RPL14: variants seen among roughly 807,000 people sequenced by gnomAD.
The protein encoded by RPL14 is ribosomal protein L14.
A neutral mutation model predicts 25.3 loss-of-function variants in RPL14; 4 were observed. The ratio of observed to expected loss-of-function variants is 0.16; its 90% confidence interval spans 0.08 to 0.36. The LOEUF is 0.36. RPL14 is among the 10% of genes least tolerant of loss of function. RPL14 has a pLI of 1.00. For missense variants in RPL14, 212 were observed against 261.9 expected (o/e 0.81, Z 1.31); for synonymous variants, 75 against 89.8 (o/e 0.84, Z 0.93).
chr3:40,459,032 TC>T (rs1281634549), intron 3 of RPL14: 5 of 319,930 alleles, frequency 1.6e-5, no homozygotes, highest in African/African-American at 1.1e-4. Context: ...AAAAAAAAAT[TC>T]GTTGGGCATG....
At chr3:40,459,034 G>A (rs372857651) in intron 3 of RPL14, 3 of 320,022 alleles carry the variant, frequency 9.4e-6, no homozygotes, top group African/African-American at 2.2e-5. Flanking sequence ...AAAAAAATTC[G>A]TTGGGCATGG....
rs1245408852 is a variant in RPL14, at chr3:40,461,512, AACTTAGGGT to A, written c.300+7_300+15del. 6.2e-7 allele frequency: 1 copy of A among 1,613,800 alleles called. No homozygotes were observed. The highest frequency in any genetic ancestry group is 1.7e-5 in the Admixed American group (1 of 60,000). The stretch of plus-strand genomic sequence containing the variant: ...AGATTGAAGCCAGAGAAAGGGTAAT[AACTTAGGGT>A]CATTTGAATTCTGGTCCTTTCTTTT... On this transcript the variant is annotated splice_region_variant and intron_variant, in intron 4 of 5. Transcript: ENST00000396203.
At chr3:40,458,374 G>A in intron 2 of RPL14, 1 of 527,804 alleles carries the variant, frequency 1.9e-6, no homozygotes, top group South Asian at 2.4e-5. Context: ...GAGTCCTAAA[G>A]TTGCCTGTAA....
rs1559529684 is a variant in RPL14 at position 40,462,917 on chromosome 3, T to C, written c.*685T>C. On this transcript the variant is annotated 3_prime_UTR_variant, in exon 6 of 6. Transcript: ENST00000396203. ...GATGCTCAAGAGTCTAGCAGATTTA[T>C]TTTATTTATTTATTTTTTTTTTTTG... 6.6e-6 allele frequency: 1 copy of C among 151,906 alleles called. No homozygotes were observed. Among genetic ancestry groups the C allele is most frequent in the Admixed American group, 6.5e-5 (1 of 15,268 alleles). 9.4% of individuals were successfully genotyped at this position (151,906 alleles called of 1,614,324 possible).
rs1044070406 is a variant in RPL14, at chr3:40,467,024, G to A, written c.*4792G>A. 6.6e-6 allele frequency: 1 copy of A among 152,024 alleles called. No homozygotes were observed. Among genetic ancestry groups the A allele is most frequent in the Non-Finnish European group, 1.5e-5 (1 of 68,010 alleles). The allele number at this position is 152,024 out of a possible 1,614,324, so 9.4% of individuals were successfully genotyped here. A position where few individuals can be genotyped will look rare whatever the true frequency, so the allele number is the denominator to read the frequency against. On this transcript the variant is annotated 3_prime_UTR_variant, in exon 6 of 6. Coordinates refer to ENST00000396203, the MANE Select transcript of RPL14 (RefSeq NM_001034996.3). Reference sequence around the variant, plus strand: ...TTTAAATAAAATATTACAGTTGAAAGTAAAGGGTCCTTTCATTATCTCCAC... The same window carrying A: ...TTTAAATAAAATATTACAGTTGAAAATAAAGGGTCCTTTCATTATCTCCAC...
rs1026851707 is a variant in RPL14, at chr3:40,457,719, T to C, written c.4-171T>C. On this transcript the variant is annotated intron_variant, in intron 1 of 5. Transcript: ENST00000396203. ...GCGTTGGGAACCGGGCTTAAGCTAC[T>C]GAGGCGTTTGCTGATTTCGTCCATC... The C allele has an allele frequency of 1.7e-5, 12 of 689,074 alleles. No individual in the cohort carries two copies. In the African/African-American group the frequency reaches 1.8e-4, roughly 10 times the overall value. The allele number at this position is 689,074 out of a possible 1,614,324, so 42.7% of individuals were successfully genotyped here.
rs73080120 is a variant in RPL14, at chr3:40,464,885, A to G, written c.*2653A>G. On this transcript the variant is annotated 3_prime_UTR_variant, in exon 6 of 6. Coordinates refer to ENST00000396203, the MANE Select transcript of RPL14 (RefSeq NM_001034996.3). The stretch of plus-strand genomic sequence containing the variant: ...ATCTAGGTAAAATGAGTTAGTTTTC[A>G]TGTAGACTATCTGGGTGTATATGCA... 7 of 210,758 alleles carry G rather than the reference A, an allele frequency of 3.3e-5. No individual in the cohort carries two copies. The highest frequency in any genetic ancestry group is 3.3e-4 in the South Asian group (4 of 12,262). 13.1% of individuals were successfully genotyped at this position (210,758 alleles called of 1,614,324 possible). A position where few individuals can be genotyped will look rare whatever the true frequency, so the allele number is the denominator to read the frequency against.
chr3:40,457,574 G>A, intron 1 of RPL14, 100 bp downstream of exon 1: 1 of 1,015,128 alleles, frequency 9.9e-7, no homozygotes, highest in Non-Finnish European at 1.5e-6. Flanking sequence ...GGCCCGGCAG[G>A]CCTGGCGCGC....
Position 40,462,393 on chromosome 3 carries a change from T to C in RPL14, c.*161T>C. ...AGTTCCTTTTTTTTTTTTTTTTTTT[T>C]TGAGATGGAGTCTCGTTCTGTTGCT... On this transcript the variant is annotated 3_prime_UTR_variant, in exon 6 of 6. Coordinates refer to ENST00000396203, the MANE Select transcript of RPL14 (RefSeq NM_001034996.3). The C allele has an allele frequency of 1.8e-6, 1 of 559,004 alleles. No individual in the cohort carries two copies. Among genetic ancestry groups the C allele is most frequent in the Non-Finnish European group, 2.9e-6 (1 of 350,674 alleles). The allele number at this position is 559,004 out of a possible 1,614,324, so 34.6% of individuals were successfully genotyped here. A position where few individuals can be genotyped will look rare whatever the true frequency, so the allele number is the denominator to read the frequency against.
intron 4 of RPL14, 48 bp downstream of exon 4, chr3:40,461,554 G>T (rs747942060): frequency 5.0e-6 from 8 of 1,604,812 alleles, no homozygotes; most frequent in Non-Finnish European, 6.8e-6. Context: ...TTTTTTGGAG[G>T]GTTCAAGATA....
Position 40,462,423 on chromosome 3 carries a change from C to G in RPL14, c.*191C>G, listed in dbSNP as rs1486675266. The stretch of plus-strand genomic sequence containing the variant: ...ATGGAGTCTCGTTCTGTTGCTCAGG[C>G]CGGACTGCAGTGGCGCTATCTCGGC... On this transcript the variant is annotated 3_prime_UTR_variant, in exon 6 of 6. Transcript: ENST00000396203. 1.8e-6 allele frequency: 1 copy of G among 570,258 alleles called. No individual in the cohort carries two copies. Among genetic ancestry groups the G allele is most frequent in the African/African-American group, 2.1e-5 (1 of 47,636 alleles). The allele number at this position is 570,258 out of a possible 1,614,324, so 35.3% of individuals were successfully genotyped here. A position where few individuals can be genotyped will look rare whatever the true frequency, so the allele number is the denominator to read the frequency against.
In RPL14 at chr3:40,459,840, C is replaced by CA. The variant is rs1364659983; in HGVS notation, c.200+1105dup. Among the ~76,000 whole-genome samples the CA allele has an allele frequency of 6.9e-5, 8 of 116,184 alleles. No individual in the cohort carries two copies. The South Asian group carries it at 1.7e-3, about 25-fold the overall frequency. 76.2% of individuals were successfully genotyped at this position (116,184 alleles called of 152,430 possible). The stretch of plus-strand genomic sequence containing the variant: ...CAACACTGCACTCCAGCCTGGGTGA[C>CA]AGAGCGAGACTCCGTTTCAAAAAAA... On this transcript the variant is annotated intron_variant, in intron 3 of 5. Coordinates refer to ENST00000396203, the MANE Select transcript of RPL14 (RefSeq NM_001034996.3).
intron 3 of RPL14, among the ~76,000 whole-genome samples, chr3:40,460,716 G>C (rs1326679368): frequency 6.6e-6 from 1 of 151,658 alleles, no homozygotes; most frequent in Non-Finnish European, 1.5e-5. Flanking sequence ...CAAGTAGCTG[G>C]GATTATAGGC....
chr3:40,458,485 T>A, intron 2 of RPL14, 157 bp from the exon 3 acceptor site: 1 of 618,630 alleles, frequency 1.6e-6, no homozygotes, highest in South Asian at 1.9e-5. Context: ...TACATATATA[T>A]AACCCAGATA....
Position 40,462,697 on chromosome 3 carries a change from T to A in RPL14, c.*465T>A, listed in dbSNP as rs1285284013. The A allele has an allele frequency of 6.4e-6, 1 of 155,490 alleles. No individual in the cohort carries two copies. Among genetic ancestry groups the A allele is most frequent in the East Asian group, 1.9e-4 (1 of 5,204 alleles). The allele number at this position is 155,490 out of a possible 1,614,324, so 9.6% of individuals were successfully genotyped here. ...GGCCTAAATAATCAGTTCTTTAATC[T>A]CACTCTCTGCCCATACTTGGATAGG... On this transcript the variant is annotated 3_prime_UTR_variant, in exon 6 of 6. Coordinates refer to ENST00000396203, the MANE Select transcript of RPL14 (RefSeq NM_001034996.3).
chr3:40,461,294 T>A, intron 3 of RPL14, 113 bp from the exon 4 acceptor site: 1 of 771,284 alleles, frequency 1.3e-6, no homozygotes, highest in Non-Finnish European at 2.2e-6. Context: ...AAATACATAG[T>A]GTACCAGGTG....
rs920297253 is a variant in RPL14, at chr3:40,466,558, A to T, written c.*4326A>T. ...AATGGCTGATTTCAGAGTCATATTCAGGTTTAAATTCTGTCATTCAGCCCA... is the reference window on the plus strand; with the variant it reads ...AATGGCTGATTTCAGAGTCATATTCTGGTTTAAATTCTGTCATTCAGCCCA... On this transcript the variant is annotated 3_prime_UTR_variant, in exon 6 of 6. Transcript: ENST00000396203. 6.7e-6 allele frequency: 1 copy of T among 150,090 alleles called. No homozygotes were observed. Among genetic ancestry groups the T allele is most frequent in the African/African-American group, 2.4e-5 (1 of 40,978 alleles). 9.3% of individuals were successfully genotyped at this position (150,090 alleles called of 1,614,324 possible).
At position 40,464,790 on chromosome 3, in the gene RPL14, ATG is replaced by A. The variant is rs923581950; in HGVS notation, c.*2562_*2563del. 8.0e-6 allele frequency: 2 copies of A among 249,866 alleles called. No individual in the cohort carries two copies. The highest frequency in any genetic ancestry group is 4.4e-5 in the African/African-American group (2 of 45,416). 15.5% of individuals were successfully genotyped at this position (249,866 alleles called of 1,614,324 possible). On this transcript the variant is annotated 3_prime_UTR_variant, in exon 6 of 6. Coordinates refer to ENST00000396203, the MANE Select transcript of RPL14 (RefSeq NM_001034996.3). ...GACTGCAGAAATAAGGGAGAAAACA[ATG>A]TGTCAGGGTTTCTGGTTTGTACCTC...
chr3:40,457,776 C>T, intron 1 of RPL14, 114 bp from the exon 2 acceptor site: 2 of 1,055,420 alleles, frequency 1.9e-6, no homozygotes, highest in African/African-American at 1.6e-5. Context: ...GGCGTTTGTT[C>T]CCTGCAGCAT....
Sources: gnomAD v4.1 joint callset for allele counts (sites outside exome capture counted in the v4.1 genomes callset) on GRCh38, gnomAD v4.1.1 for gene constraint, MANE v1.5 for transcripts, NCBI Gene and HGNC (gene_info 2026-07-23, HGNC 2026-07-21) for gene names.